Variants in SF3B2 observed in about 807,000 individuals in gnomAD.
SF3B2 encodes the protein SAP 145.
Under a neutral mutation model 116.3 loss-of-function variants are expected in SF3B2, and 22 were observed. That is an observed-to-expected ratio of 0.19 (90% CI 0.14 to 0.27). The LOEUF is 0.27. SF3B2 is among the 10% of genes least tolerant of loss of function. SF3B2 has a pLI of 1.00. For missense variants in SF3B2, 767 were observed against 1,151.4 expected (o/e 0.67, Z 4.83); for synonymous variants, 406 against 421.6 (o/e 0.96, Z 0.45).
chr11:66,064,126 C>T (rs1443713278), intron 19 of SF3B2, among the ~76,000 whole-genome samples: 2 of 152,196 alleles, frequency 1.3e-5, no homozygotes, highest in African/African-American at 4.8e-5. Flanking sequence ...TATTTTGAAG[C>T]TCCATTTTTA....
chr11:66,059,646 C>A lies in SF3B2; in HGVS notation c.1401+51C>A. The stretch of plus-strand genomic sequence containing the variant: ...CCCTGGAGCCCAGCTGGGAGACCAC[C>A]TGGGGAGCCAGGGAGGTGAAAAGGA... On this transcript the variant is annotated intron_variant, in intron 12 of 21. Transcript: ENST00000322535. The surrounding 1 kb of genome is among the most constrained non-coding windows in gnomAD (Gnocchi z 5.0). The A allele has an allele frequency of 6.3e-7, 1 of 1,599,518 alleles. No individual in the cohort carries two copies. Among genetic ancestry groups the A allele is most frequent in the South Asian group, 1.1e-5 (1 of 90,804 alleles).
chr11:66,068,658 CTT>C lies in SF3B2; in HGVS notation c.2617-14_2617-13del, dbSNP rs753528652. 6.2e-7 allele frequency: 1 copy of C among 1,613,626 alleles called. No individual in the cohort carries two copies. The highest frequency in any genetic ancestry group is 8.5e-7 in the Non-Finnish European group (1 of 1,179,672). On this transcript the variant is annotated splice_polypyrimidine_tract_variant and intron_variant, in intron 21 of 21. Coordinates refer to ENST00000322535, the MANE Select transcript of SF3B2 (RefSeq NM_006842.3). ...GTTCAACCTGTCTTAACCTGTGTCTCTTTCTCCCTATACAGCAAAAAAAACGG... is the reference window on the plus strand; with the variant it reads ...GTTCAACCTGTCTTAACCTGTGTCTCTCTCCCTATACAGCAAAAAAAACGG...
chr11:66,061,585 C>T (rs1417611552), intron 14 of SF3B2, 101 bp from the exon 15 acceptor site: 3 of 868,048 alleles, frequency 3.5e-6, no homozygotes, highest in East Asian at 2.5e-5. Flanking sequence ...AGAGTGGGAG[C>T]CAGGTAGCCC....
Position 66,059,130 on chromosome 11 carries a change from C to T in SF3B2, c.1183-71C>T. On this transcript the variant is annotated intron_variant, in intron 10 of 21. Coordinates refer to ENST00000322535, the MANE Select transcript of SF3B2 (RefSeq NM_006842.3). The surrounding 1 kb of genome is among the most constrained non-coding windows in gnomAD (Gnocchi z 5.0). ...GTGAGAGGCAGCGGTGAACAGGCATCTTTTAGTGCTGGCCTTAGGAACTGG... is the reference window on the plus strand; with the variant it reads ...GTGAGAGGCAGCGGTGAACAGGCATTTTTTAGTGCTGGCCTTAGGAACTGG... 1 of 1,610,654 alleles carries T rather than the reference C, an allele frequency of 6.2e-7. No homozygotes were observed. The highest frequency in any genetic ancestry group is 2.2e-5 in the East Asian group (1 of 44,838).
chr11:66,063,577 C>G, intron 18 of SF3B2, 35 bp downstream of exon 18: 9 of 1,610,706 alleles, frequency 5.6e-6, no homozygotes, highest in Non-Finnish European at 7.6e-6. Context: ...TGGAAGTGGG[C>G]TATCTTTGGG....
chr11:66,057,165 C>T (rs1029513003), intron 6 of SF3B2, 101 bp from the exon 7 acceptor site: 3 of 912,680 alleles, frequency 3.3e-6, no homozygotes, highest in South Asian at 1.3e-5. Context: ...ACGTGCCCTC[C>T]TCCCCTGCAG....
chr11:66,052,853 C>T (rs1325616835), intron 2 of SF3B2, 134 bp downstream of exon 2: 10 of 1,265,514 alleles, frequency 7.9e-6, no homozygotes, highest in Admixed American at 2.2e-5. Context: ...TTAGCTTGTT[C>T]TTGCCTTTGC....
In SF3B2 at chr11:66,061,784, CAGTT is replaced by C. The variant is rs1485389073; in HGVS notation, c.1869+12_1869+15del. On this transcript the variant is annotated intron_variant, in intron 15 of 21. Coordinates refer to ENST00000322535, the MANE Select transcript of SF3B2 (RefSeq NM_006842.3). ...GGATGCCAGTAGGACCAGTGAGTGTCAGTTAGCTGTCTGGGGAAGCAGCGAAGAG... is the reference window on the plus strand; with the variant it reads ...GGATGCCAGTAGGACCAGTGAGTGTCAGCTGTCTGGGGAAGCAGCGAAGAG... 1 of 1,611,906 alleles carries C rather than the reference CAGTT, an allele frequency of 6.2e-7. No homozygotes were observed. The highest frequency in any genetic ancestry group is 1.3e-5 in the African/African-American group (1 of 74,866).
At chr11:66,067,320 C>G (rs939777486) in intron 19 of SF3B2, 13 of 438,792 alleles carry the variant, frequency 3.0e-5, no homozygotes, top group African/African-American at 2.4e-4. Flanking sequence ...TGATCAGAAG[C>G]CTCAGAGGGT....
chr11:66,062,297 T>C (rs1438680388), intron 16 of SF3B2, among the ~76,000 whole-genome samples: 1 of 152,136 alleles, frequency 6.6e-6, no homozygotes, highest in African/African-American at 2.4e-5. Context: ...TTGGTGAATG[T>C]GTTTCCAGAT....
chr11:66,057,381 ACT>A lies in SF3B2; in HGVS notation c.777+7_777+8del. The A allele has an allele frequency of 1.6e-6, 2 of 1,262,356 alleles. No individual in the cohort carries two copies. Among genetic ancestry groups the A allele is most frequent in the Non-Finnish European group, 1.2e-6 (1 of 863,256 alleles). The allele number at this position is 1,262,356 out of a possible 1,614,324, so 78.2% of individuals were successfully genotyped here. ...CTGGAGATGAGAACAGAGAGGTGAG[ACT>A]GATGATTTATTCCTAGGGATAAGAG... is the stretch of plus-strand genomic sequence containing the variant. On this transcript the variant is annotated splice_region_variant and intron_variant, in intron 7 of 21. Transcript: ENST00000322535.
intron 19 of SF3B2, among the ~76,000 whole-genome samples, chr11:66,064,300 G>A (rs1014509126): frequency 6.6e-6 from 1 of 152,022 alleles, no homozygotes; most frequent in Admixed American, 6.6e-5. Flanking sequence ...CTCCAGTGTT[G>A]GTTAATTAGC....
At position 66,059,943 on chromosome 11, in the gene SF3B2, C is replaced by G. The variant is rs779549582; in HGVS notation, c.1563C>G (p.Pro521=). 2 of 1,614,204 alleles carry G rather than the reference C, an allele frequency of 1.2e-6. No individual in the cohort carries two copies. The highest frequency in any genetic ancestry group is 2.2e-5 in the South Asian group (2 of 91,084). The change falls in exon 13 of 22, where the codon CCC becomes CCG. Residue 521 remains proline, a synonymous_variant. Coordinates refer to ENST00000322535, the MANE Select transcript of SF3B2 (RefSeq NM_006842.3). The surrounding 1 kb of genome is among the most constrained non-coding windows in gnomAD (Gnocchi z 5.0). ...LQGKRGIEKP[P]FELPDFIKRT... Reference sequence around the variant, plus strand: ...GCAAACGGGGCATTGAGAAGCCCCCCTTCGAGCTGCCAGACTTCATCAAAC... The same window carrying G: ...GCAAACGGGGCATTGAGAAGCCCCCGTTCGAGCTGCCAGACTTCATCAAAC...
Position 66,057,278 on chromosome 11 carries a change from T to C in SF3B2, c.680T>C (p.Val227Ala). The C allele has an allele frequency of 6.2e-7, 1 of 1,604,412 alleles. No individual in the cohort carries two copies. Among genetic ancestry groups the C allele is most frequent in the Non-Finnish European group, 8.5e-7 (1 of 1,171,068 alleles). Residue 227 changes from valine (V) to alanine (A), a missense_variant, in exon 7 of 22, where the codon GTG becomes GCG. Val to Ala is a moderately conservative substitution (Grantham distance 64). Around this residue, in one of 4 missense-constraint regions of SF3B2, gnomAD observed 455 missense variants for 537.5 expected, o/e 0.85. Transcript: ENST00000322535. ...TPLGPRVAAP[V>A]GPVGPTPTVL... ...TCCCGTCTCTTAGTAGCTGCTCCAG[T>C]GGGCCCAGTGGGCCCCACTCCTACA...
chr11:66,067,125 G>C (rs1028972955), intron 19 of SF3B2: 2 of 223,752 alleles, frequency 8.9e-6, no homozygotes, highest in African/African-American at 4.6e-5. Flanking sequence ...GGTTGTTTCA[G>C]GCAGGAGGGT....
In SF3B2 at chr11:66,059,172, C is replaced by T. The variant is rs1487167483; in HGVS notation, c.1183-29C>T. 4 of 1,613,612 alleles carry T rather than the reference C, an allele frequency of 2.5e-6. No homozygotes were observed. In the African/African-American group the frequency reaches 4.0e-5, roughly 16 times the overall value. ...AGGAACTGGGAAGGGGCTCAGAGGG[C>T]AGGGGTTTCACCTTGTCTGCCTCCT... On this transcript the variant is annotated intron_variant, in intron 10 of 21. Transcript: ENST00000322535. This position sits in a 1 kb window ranked among gnomAD's most constrained non-coding sequence, Gnocchi z 5.0.
rs761373795 is a variant in SF3B2 at position 66,061,753 on chromosome 11, C to T, written c.1847C>T (p.Ser616Phe). ...GATCTGTCTGATGAGCTAAGGATTT[C>T]CTTGGGGATGCCAGTAGGACCAGTG... ...PGDLSDELRI[S>F]LGMPVGPNAH... is the part of the protein sequence containing the mutation. The change falls in exon 15 of 22, where the codon TCC (serine) becomes TTC (phenylalanine). Residue 616 changes from serine (S) to phenylalanine (F), a missense_variant. Ser to Phe is a radical substitution (Grantham distance 155). Transcript: ENST00000322535. 1 of 1,614,162 alleles carries T rather than the reference C, an allele frequency of 6.2e-7. No individual in the cohort carries two copies. Among genetic ancestry groups the T allele is most frequent in the South Asian group, 1.1e-5 (1 of 91,082 alleles).
At chr11:66,057,995 GAAAAAAA>G in intron 7 of SF3B2, 52 bp from the exon 8 acceptor site, 2 of 994,290 alleles carry the variant, frequency 2.0e-6, no homozygotes, top group Non-Finnish European at 1.4e-6. Flanking sequence ...AAGAAAGAAA[GAAAAAAA>G]AAAGAAAAAG....
chr11:66,058,035 G>T lies in SF3B2; in HGVS notation c.778-19G>T. Reference sequence around the variant, plus strand: ...AAGGGCACTGTGATTTGCCTTCTCTGACTGGGTGTCTCTGGCAGATGGATG... The same window carrying T: ...AAGGGCACTGTGATTTGCCTTCTCTTACTGGGTGTCTCTGGCAGATGGATG... On this transcript the variant is annotated intron_variant, in intron 7 of 21. Transcript: ENST00000322535. 6.5e-7 allele frequency: 1 copy of T among 1,546,086 alleles called. No individual in the cohort carries two copies. The highest frequency in any genetic ancestry group is 1.2e-5 in the South Asian group (1 of 86,088).
Sources: allele counts gnomAD v4.1 joint callset (sites outside exome capture counted in the v4.1 genomes callset), GRCh38; gene constraint gnomAD v4.1.1; regional missense constraint gnomAD v4.1.1; non-coding constraint Gnocchi (gnomAD v3.1); transcripts MANE v1.5; gene names NCBI Gene and HGNC (gene_info 2026-07-23, HGNC 2026-07-21).